PTPRD: variants seen among roughly 807,000 people sequenced by gnomAD.
PTPRD encodes receptor-type tyrosine-protein phosphatase delta.
Under a neutral mutation model 214.5 loss-of-function variants are expected in PTPRD, and 34 were observed. The ratio of observed to expected loss-of-function variants is 0.16; its 90% CI spans 0.12 to 0.21. The LOEUF (loss-of-function observed/expected upper bound fraction) is 0.21. Among genes scored for constraint, PTPRD ranks in the 10% least tolerant of loss-of-function variants. The pLI is 1.00. For missense variants in PTPRD, 2,545 were observed against 2,398.7 expected (o/e 1.06, Z -1.27); for synonymous variants, 1,128 against 845.7 (o/e 1.33, Z -5.79).
At chr9:10,278,816 C>T (rs1440628429) in intron 3 of PTPRD, among the ~76,000 whole-genome samples, 2 of 150,882 alleles carry the variant, frequency 1.3e-5, no homozygotes, top group African/African-American at 2.5e-5. Flanking sequence ...GCTCTGTTGC[C>T]CAGGCTGGAG....
intron 39 of PTPRD, among the ~76,000 whole-genome samples, chr9:8,348,191 T>A (rs1564155038): frequency 6.6e-6 from 1 of 152,316 alleles, no homozygotes; most frequent in East Asian, 1.9e-4. Flanking sequence ...TTATTAAACT[T>A]ATAACCACAT....
intron 3 of PTPRD, among the ~76,000 whole-genome samples, chr9:10,223,712 T>TAAC (rs1554887173): frequency 6.9e-6 from 1 of 144,036 alleles, no homozygotes; most frequent in African/African-American, 2.6e-5. Flanking sequence ...ATAATAATAA[T>TAAC]AAAGTAGAGT....
intron 11 of PTPRD, among the ~76,000 whole-genome samples, chr9:8,974,635 A>G (rs1172309200): frequency 6.6e-6 from 1 of 152,052 alleles, no homozygotes; most frequent in East Asian, 1.9e-4. Context: ...TTGACCATGT[A>G]TACTGCTTAC....
At chr9:8,946,277 A>G (rs1169776489) in intron 11 of PTPRD, among the ~76,000 whole-genome samples, 1 of 152,150 alleles carries the variant, frequency 6.6e-6, no homozygotes, top group Non-Finnish European at 1.5e-5. Flanking sequence ...GATAGTAGTC[A>G]TCATGGCTTG....
At chr9:8,969,754 AG>A (rs1172989720) in intron 11 of PTPRD, among the ~76,000 whole-genome samples, 1 of 152,040 alleles carries the variant, frequency 6.6e-6, no homozygotes, top group African/African-American at 2.4e-5. Flanking sequence ...CATCAGAATG[AG>A]GAGTATGATC....
chr9:9,302,587 G>GGTCA (rs1420614366), intron 9 of PTPRD, among the ~76,000 whole-genome samples: 1 of 111,314 alleles, frequency 9.0e-6, no homozygotes, highest in Non-Finnish European at 1.9e-5. Flanking sequence ...ATCATGTTTT[G>GGTCA]TAGTTTTTTT....
intron 7 of PTPRD, among the ~76,000 whole-genome samples, chr9:9,733,310 A>G (rs762671705): frequency 7.9e-5 from 12 of 152,320 alleles, no homozygotes; most frequent in African/African-American, 2.9e-4. Context: ...GAGACAAAGC[A>G]TACATCTCTA....
intron 12 of PTPRD, among the ~76,000 whole-genome samples, chr9:8,719,376 T>C (rs1282791607): frequency 6.6e-6 from 1 of 152,248 alleles, no homozygotes; most frequent in Admixed American, 6.5e-5. Flanking sequence ...ATATTTCTTC[T>C]AATTAATCTG....
chr9:9,678,023 G>A (rs1265750564), intron 7 of PTPRD, among the ~76,000 whole-genome samples: 1 of 152,024 alleles, frequency 6.6e-6, no homozygotes, highest in Admixed American at 6.6e-5. Flanking sequence ...GGATGTGAAG[G>A]ACCTCTTCAA....
At chr9:8,355,175 A>T (rs12344867) in intron 39 of PTPRD, among the ~76,000 whole-genome samples, 7,948 of 152,048 alleles carry the variant, frequency 0.052, 737 homozygotes, top group African/African-American at 0.18. Context: ...GATTGTTTAA[A>T]ATAGTGCGGC....
chr9:9,546,072 C>T (rs941911019), intron 8 of PTPRD, among the ~76,000 whole-genome samples: 2 of 151,534 alleles, frequency 1.3e-5, no homozygotes, highest in Admixed American at 6.6e-5. Flanking sequence ...TGTTTTTAAT[C>T]TCAATTTCCA....
At chr9:9,487,911 T>C (rs985049827) in intron 8 of PTPRD, among the ~76,000 whole-genome samples, 2 of 152,178 alleles carry the variant, frequency 1.3e-5, no homozygotes, top group African/African-American at 4.8e-5. Context: ...CACATGTACT[T>C]CATGAATTGA....
intron 30 of PTPRD, among the ~76,000 whole-genome samples, chr9:8,480,386 G>A (rs1010245618): frequency 1.3e-5 from 2 of 152,098 alleles, no homozygotes; most frequent in Non-Finnish European, 2.9e-5. Context: ...CCGGAGTTAG[G>A]AGCCTCGTCT....
chr9:9,354,858 T>C (rs1444449454), intron 9 of PTPRD, among the ~76,000 whole-genome samples: 1 of 151,316 alleles, frequency 6.6e-6, no homozygotes, highest in Non-Finnish European at 1.5e-5. Context: ...GGAGGAAAAA[T>C]AATGGAGGGT....
chr9:9,239,035 G>A (rs2099968882), intron 9 of PTPRD, among the ~76,000 whole-genome samples: 1 of 151,986 alleles, frequency 6.6e-6, no homozygotes, highest in Admixed American at 6.6e-5. Context: ...TCTGATAATA[G>A]GCAAATATGC....
Position 10,056,986 on chromosome 9 carries a change from G to C in PTPRD, c.-544-23196C>G, listed in dbSNP as rs182822521. Reference sequence around the variant, plus strand: ...GTGAATTTGTATCAAGTAGAGAATTGTAAACATAAGCAGAAATATAATGTT... The same window carrying C: ...GTGAATTTGTATCAAGTAGAGAATTCTAAACATAAGCAGAAATATAATGTT... On this transcript the variant is annotated intron_variant, in intron 3 of 45. Transcript: ENST00000381196. Among the ~76,000 whole-genome samples the C allele has an allele frequency of 7.1e-4, 108 of 152,242 alleles. 2 individuals are homozygous for C. The South Asian group carries it at 0.021, about 29-fold the overall frequency.
chr9:10,361,142 C>A (rs1490309164), intron 2 of PTPRD, among the ~76,000 whole-genome samples: 1 of 151,908 alleles, frequency 6.6e-6, no homozygotes, highest in Non-Finnish European at 1.5e-5. Context: ...TCATTAAGAC[C>A]CCTTATTTTG....
At chr9:8,668,910 G>A (rs947642880) in intron 12 of PTPRD, among the ~76,000 whole-genome samples, 2 of 152,124 alleles carry the variant, frequency 1.3e-5, no homozygotes, top group Non-Finnish European at 2.9e-5. Context: ...CTTGAGCTCA[G>A]ACCAAAATAT....
At chr9:10,466,793 T>C (rs1276846895) in intron 2 of PTPRD, among the ~76,000 whole-genome samples, 3 of 151,984 alleles carry the variant, frequency 2.0e-5, no homozygotes, top group Admixed American at 1.3e-4. Flanking sequence ...AAGGGGGAAT[T>C]ATGACTAGAT....
Sources: allele counts gnomAD v4.1 joint callset (sites outside exome capture counted in the v4.1 genomes callset), GRCh38; gene constraint gnomAD v4.1.1; transcripts MANE v1.5; gene names NCBI Gene and HGNC (gene_info 2026-07-23, HGNC 2026-07-21).